Variants in SGCZ observed in about 807,000 individuals in gnomAD.
SGCZ encodes the protein sarcoglycan zeta, also known as zeta-sarcoglycan.
Under a neutral mutation model 41.3 loss-of-function variants are expected in SGCZ, and 40 were observed. The observed-to-expected ratio is 0.97, with a 90% CI of 0.75 to 1.26. SGCZ has a LOEUF of 1.26. Ranked by LOEUF, SGCZ falls within the 50% of genes most tolerant of loss-of-function variation. The probability of loss-of-function intolerance (pLI) is 0.00; values close to 1 mark genes in which losing one functional copy is unlikely to be tolerated. For synonymous variants in SGCZ, 206 were observed against 137.5 expected (o/e 1.50, Z -3.49); for missense variants, 552 against 369.8 (o/e 1.49, Z -4.04).
At chr8:14,703,431 ATATGAGAGATTTCCC>A (rs1285535801) in intron 1 of SGCZ, among the ~76,000 whole-genome samples, 1 of 151,962 alleles carries the variant, frequency 6.6e-6, no homozygotes, top group Non-Finnish European at 1.5e-5. Context: ...GTGTCAGACC[ATATGAGAGATTTCCC>A]TATCTAGAGA....
chr8:14,452,300 G>T (rs563438432), intron 2 of SGCZ, among the ~76,000 whole-genome samples: 39 of 152,112 alleles, frequency 2.6e-4, no homozygotes, highest in Non-Finnish European at 4.0e-4. Context: ...GTCGGGGGGT[G>T]AGGGGAGGGA....
At chr8:14,923,935 C>G (rs552542351) in intron 1 of SGCZ, among the ~76,000 whole-genome samples, 3 of 152,216 alleles carry the variant, frequency 2.0e-5, no homozygotes, top group African/African-American at 7.2e-5. Flanking sequence ...CAGAAAGAAG[C>G]CTTCTCAGAG....
At chr8:14,985,714 T>A (rs377419039) in intron 1 of SGCZ, among the ~76,000 whole-genome samples, 52 of 152,276 alleles carry the variant, frequency 3.4e-4, no homozygotes, top group African/African-American at 1.2e-3. Context: ...ATTTAGGACA[T>A]CAGAAAAACA....
intron 4 of SGCZ, among the ~76,000 whole-genome samples, chr8:14,200,008 G>A (rs896314708): frequency 2.6e-5 from 4 of 152,106 alleles, no homozygotes; most frequent in African/African-American, 9.7e-5. Flanking sequence ...TAAATTTTGG[G>A]GTTGACGACG....
chr8:14,938,873 G>A (rs1438328425), intron 1 of SGCZ, among the ~76,000 whole-genome samples: 1 of 151,438 alleles, frequency 6.6e-6, no homozygotes, highest in East Asian at 1.9e-4. Context: ...TTTTTTCCAA[G>A]TATTTTTGTA....
intron 1 of SGCZ, among the ~76,000 whole-genome samples, chr8:14,729,361 A>C (rs1388785191): frequency 6.6e-6 from 1 of 152,154 alleles, no homozygotes; most frequent in Non-Finnish European, 1.5e-5. Context: ...TGAAGTGAGT[A>C]CCCCCAAAAT....
chr8:14,831,033 G>C (rs1192722265), intron 1 of SGCZ, among the ~76,000 whole-genome samples: 1 of 152,100 alleles, frequency 6.6e-6, no homozygotes. Flanking sequence ...GTAATAATGT[G>C]AACTTGGAAA....
At position 14,505,171 on chromosome 8, in the gene SGCZ, T is replaced by C. The variant is rs959047441; in HGVS notation, c.234+49561A>G. On this transcript the variant is annotated intron_variant, in intron 2 of 7. Coordinates refer to ENST00000382080, the MANE Select transcript of SGCZ (RefSeq NM_139167.4). ...CCACCCATCCCAAAAATTATATATATAGAAAATATTTTTTTTCACTGAGTT... is the reference window on the plus strand; with the variant it reads ...CCACCCATCCCAAAAATTATATATACAGAAAATATTTTTTTTCACTGAGTT... 2.0e-5 allele frequency among the ~76,000 whole-genome samples: 3 copies of C among 152,098 alleles called. No homozygotes were observed. The East Asian group carries it at 5.8e-4, about 29-fold the overall frequency.
intron 3 of SGCZ, among the ~76,000 whole-genome samples, chr8:14,260,498 G>T (rs1010536586): frequency 3.4e-5 from 5 of 146,328 alleles, no homozygotes; most frequent in Non-Finnish European, 6.0e-5. Flanking sequence ...CACTGTTGGC[G>T]GGACTGTAAA....
chr8:14,806,500 C>T (rs954485443), intron 1 of SGCZ, among the ~76,000 whole-genome samples: 4 of 152,046 alleles, frequency 2.6e-5, no homozygotes, highest in African/African-American at 4.8e-5. Flanking sequence ...ATAAATTCCT[C>T]GACACATACA....
chr8:15,189,552 T>A (rs923880266), intron 1 of SGCZ, among the ~76,000 whole-genome samples: 1 of 142,754 alleles, frequency 7.0e-6, no homozygotes. Flanking sequence ...AAATACTTCA[T>A]GAGGACCTTG....
intron 4 of SGCZ, among the ~76,000 whole-genome samples, chr8:14,195,703 C>G (rs1805245564): frequency 6.6e-6 from 1 of 152,038 alleles, no homozygotes; most frequent in East Asian, 1.9e-4. Flanking sequence ...AGGAAGGCAG[C>G]TGATTAATAC....
chr8:14,273,308 A>C (rs1228934887), intron 3 of SGCZ, among the ~76,000 whole-genome samples: 2 of 152,210 alleles, frequency 1.3e-5, no homozygotes, highest in African/African-American at 4.8e-5. Context: ...GCACTTTGAA[A>C]ATGACCTAAT....
chr8:14,948,158 G>C (rs1302040923), intron 1 of SGCZ, among the ~76,000 whole-genome samples: 1 of 152,138 alleles, frequency 6.6e-6, no homozygotes, highest in Non-Finnish European at 1.5e-5. Flanking sequence ...TACTAAGCCT[G>C]ATCCTAGAAC....
intron 1 of SGCZ, among the ~76,000 whole-genome samples, chr8:15,060,776 G>A (rs563263825): frequency 2.6e-5 from 4 of 152,116 alleles, no homozygotes; most frequent in South Asian, 2.1e-4. Flanking sequence ...TTCTTCTAAA[G>A]AGGGTTGTTT....
At chr8:14,537,656 C>T (rs1252308522) in intron 2 of SGCZ, among the ~76,000 whole-genome samples, 1 of 151,484 alleles carries the variant, frequency 6.6e-6, no homozygotes, top group Non-Finnish European at 1.5e-5. Flanking sequence ...TGTTCTCTAT[C>T]TCTCACCATG....
At position 14,087,018 on chromosome 8, in the gene SGCZ, A is replaced by G. The variant is rs763472603; in HGVS notation, c.*3425T>C. Among the ~76,000 whole-genome samples the G allele has an allele frequency of 1.3e-5, 2 of 151,698 alleles. No homozygotes were observed. The highest frequency in any genetic ancestry group is 3.0e-5 in the Non-Finnish European group (2 of 67,722). On this transcript the variant is annotated 3_prime_UTR_variant, in exon 8 of 8. Coordinates refer to ENST00000382080, the MANE Select transcript of SGCZ (RefSeq NM_139167.4). ...AGTAGGTAAGTTCACATGACTAGCC[A>G]GGGGCAGAACTAGAACTGGAATTGC...
chr8:14,752,068 A>G (rs2130320651), intron 1 of SGCZ, among the ~76,000 whole-genome samples: 1 of 151,638 alleles, frequency 6.6e-6, no homozygotes, highest in Admixed American at 6.6e-5. Context: ...AAGGGTAAAG[A>G]TGAGAAAACT....
At chr8:15,187,273 T>C (rs1331018053) in intron 1 of SGCZ, among the ~76,000 whole-genome samples, 4 of 152,160 alleles carry the variant, frequency 2.6e-5, no homozygotes, top group African/African-American at 9.6e-5. Flanking sequence ...GCAATGCTTC[T>C]AACACAAAAT....
Sources: gnomAD v4.1 joint callset for allele counts (sites outside exome capture counted in the v4.1 genomes callset) on GRCh38, gnomAD v4.1.1 for gene constraint, MANE v1.5 for transcripts, NCBI Gene and HGNC (gene_info 2026-07-23, HGNC 2026-07-21) for gene names.